The following WASHC4 variants were observed in gnomAD, a reference collection of about 807,000 sequenced individuals.
WASHC4 encodes WASH complex subunit 4.
Under a neutral mutation model 166.6 loss-of-function variants are expected in WASHC4, and 86 were observed. That is an observed-to-expected ratio of 0.52 (90% CI 0.43 to 0.62). WASHC4 has a LOEUF of 0.62. Among genes scored for constraint, WASHC4 ranks in the 20% least tolerant of loss-of-function variants. WASHC4 has a pLI of 0.00. For synonymous variants in WASHC4, 446 were observed against 451.6 expected, an observed-to-expected ratio of 0.99 and a Z score of 0.16; for missense variants, 1,262 against 1,382.4, an observed-to-expected ratio of 0.91 and a Z score of 1.38.
chr12:105,163,133 C>T (rs1472968375), intron 30 of WASHC4, among the ~76,000 whole-genome samples: 6 of 151,420 alleles, frequency 4.0e-5, no homozygotes, highest in African/African-American at 1.5e-4. Context: ...ATTTTTTTTG[C>T]ATTTTTAGTA....
At chr12:105,125,155 G>A (rs1053026541) in intron 10 of WASHC4, among the ~76,000 whole-genome samples, 2 of 152,106 alleles carry the variant, frequency 1.3e-5, no homozygotes, top group Non-Finnish European at 2.9e-5. Context: ...GTTTTTAACC[G>A]ATTGATCTCA....
At position 105,162,754 on chromosome 12, in the gene WASHC4, C is replaced by T; in HGVS notation, c.3066C>T (p.Leu1022=). ...ATGTTGTTACATCTTTTTAGACCCT[C>T]AACTTTGTAGAGCATTCCATTAGTT... is the stretch of plus-strand genomic sequence containing the variant. ...NFYIIVPPLT[L]NFVEHSISCK... Residue 1022 remains leucine, a synonymous_variant, in exon 30 of 33, where the codon CTC becomes CTT. Transcript: ENST00000332180. 1.3e-6 allele frequency: 2 copies of T among 1,564,070 alleles called. No homozygotes were observed. The highest frequency in any genetic ancestry group is 1.8e-6 in the Non-Finnish European group (2 of 1,137,768).
intron 26 of WASHC4, among the ~76,000 whole-genome samples, chr12:105,156,346 T>A (rs1049386845): frequency 6.6e-6 from 1 of 152,216 alleles, no homozygotes; most frequent in Admixed American, 6.5e-5. Flanking sequence ...AGGCATCAAA[T>A]AAAGATTTCT....
intron 32 of WASHC4, among the ~76,000 whole-genome samples, chr12:105,165,206 G>A (rs1461384634): frequency 6.6e-6 from 1 of 152,100 alleles, no homozygotes; most frequent in Non-Finnish European, 1.5e-5. Flanking sequence ...TCATAGTCAG[G>A]CCCTGGAGAC....
At chr12:105,145,578 T>C (rs1883225611) in intron 22 of WASHC4, among the ~76,000 whole-genome samples, 1 of 152,172 alleles carries the variant, frequency 6.6e-6, no homozygotes, top group Non-Finnish European at 1.5e-5. Context: ...TTTATATATC[T>C]GATATTTATT....
chr12:105,117,968 C>T (rs994761839), intron 6 of WASHC4, among the ~76,000 whole-genome samples: 1 of 152,112 alleles, frequency 6.6e-6, no homozygotes, highest in Non-Finnish European at 1.5e-5. Context: ...TACAGGTGAT[C>T]AGTGTTTGAA....
chr12:105,142,738 AATTT>A lies in WASHC4; in HGVS notation c.1893+186_1893+189del, dbSNP rs1422721757. Among the ~76,000 whole-genome samples, 7 of 151,948 alleles carry A rather than the reference AATTT, an allele frequency of 4.6e-5. No individual in the cohort carries two copies. The East Asian group carries it at 9.6e-4, about 21-fold the overall frequency. On this transcript the variant is annotated intron_variant, in intron 19 of 32. Transcript: ENST00000332180. ...ATTTTATGTTACTGTTAACGAAGTT[AATTT>A]ATTTAATTTCTTCCTTCATGTTCCT... is the stretch of plus-strand genomic sequence containing the variant.
intron 6 of WASHC4, 148 bp downstream of exon 6, chr12:105,115,876 G>T (rs139341991): frequency 0.019 from 11,971 of 639,422 alleles, 187 homozygotes; most frequent in South Asian, 0.043. Context: ...TAGTTTAGGA[G>T]ATCATAACTC....
At chr12:105,138,039 A>C in intron 15 of WASHC4, 28 bp downstream of exon 15, 1 of 1,601,788 alleles carries the variant, frequency 6.2e-7, no homozygotes, top group Non-Finnish European at 8.5e-7. Flanking sequence ...TTACTGCTCC[A>C]TCATAATTGA....
intron 2 of WASHC4, among the ~76,000 whole-genome samples, chr12:105,111,940 C>T (rs1436339209): frequency 6.6e-6 from 1 of 152,060 alleles, no homozygotes; most frequent in East Asian, 1.9e-4. Context: ...TTGTATAATT[C>T]AGTTGTTTTT....
intron 13 of WASHC4, among the ~76,000 whole-genome samples, chr12:105,131,635 G>C (rs1358663759): frequency 6.6e-6 from 1 of 152,056 alleles, no homozygotes; most frequent in Non-Finnish European, 1.5e-5. Context: ...GTTCTCTCCT[G>C]TACATGGGAT....
chr12:105,148,815 T>A (rs1883511442), intron 24 of WASHC4: 4 of 985,136 alleles, frequency 4.1e-6, no homozygotes, highest in South Asian at 9.4e-5. Flanking sequence ...GAATTAATCT[T>A]ATGCTATTTC....
chr12:105,120,096 A>T (rs1420607432), intron 7 of WASHC4, among the ~76,000 whole-genome samples: 1 of 152,218 alleles, frequency 6.6e-6, no homozygotes, highest in Non-Finnish European at 1.5e-5. Flanking sequence ...ACAAAACAAA[A>T]AAACAAAAGA....
At chr12:105,114,680 T>TCAC (rs902515028) in intron 4 of WASHC4, among the ~76,000 whole-genome samples, 10 of 151,992 alleles carry the variant, frequency 6.6e-5, no homozygotes, top group African/African-American at 2.4e-4. Flanking sequence ...AAAGAGAGTG[T>TCAC]CACTTGCATA....
Position 105,141,157 on chromosome 12 carries a change from T to A in WASHC4, c.1708-10T>A. ...GCAACTTCTCTGCCTTTTTTTCCTG[T>A]CCCTGATAGAAAACATTTAAAGATG... On this transcript the variant is annotated splice_polypyrimidine_tract_variant and intron_variant, in intron 17 of 32. Transcript: ENST00000332180. 5 of 1,612,378 alleles carry A rather than the reference T, an allele frequency of 3.1e-6. No individual in the cohort carries two copies. Among genetic ancestry groups the A allele is most frequent in the Non-Finnish European group, 4.2e-6 (5 of 1,178,436 alleles).
chr12:105,146,787 T>C (rs1883330581), intron 23 of WASHC4, among the ~76,000 whole-genome samples: 6 of 152,108 alleles, frequency 3.9e-5, no homozygotes, highest in Admixed American at 3.9e-4. Flanking sequence ...GGATCCCTAA[T>C]CTGAAAATCC....
rs1884918108 is a variant in WASHC4 at position 105,168,420 on chromosome 12, AT to A, written c.*1492del. 1 of 150,874 alleles carries A rather than the reference AT, an allele frequency of 6.6e-6. No homozygotes were observed. Among genetic ancestry groups the A allele is most frequent in the African/African-American group, 2.5e-5 (1 of 40,476 alleles). 9.3% of individuals were successfully genotyped at this position (150,874 alleles called of 1,614,324 possible). A position where few individuals can be genotyped will look rare whatever the true frequency, so the allele number is the denominator to read the frequency against. On this transcript the variant is annotated 3_prime_UTR_variant, in exon 33 of 33. Coordinates refer to ENST00000332180, the MANE Select transcript of WASHC4 (RefSeq NM_015275.3). ...CCTAAAGCATGCTGCATAATTAATA[AT>A]TTATATTTTCATTATTATAAGTGTT...
intron 14 of WASHC4, among the ~76,000 whole-genome samples, chr12:105,135,597 GCTT>G (rs1882245523): frequency 6.6e-6 from 1 of 151,974 alleles, no homozygotes; most frequent in Non-Finnish European, 1.5e-5. Flanking sequence ...GGTCAGTAGA[GCTT>G]CTTGAATTCA....
At chr12:105,113,967 C>T (rs530116380) in intron 2 of WASHC4, among the ~76,000 whole-genome samples, 3 of 152,092 alleles carry the variant, frequency 2.0e-5, no homozygotes, top group South Asian at 4.1e-4. Flanking sequence ...TTTTCTTATA[C>T]TGCACTCATA....
Sources: gnomAD v4.1 joint callset for allele counts (sites outside exome capture counted in the v4.1 genomes callset) on GRCh38, gnomAD v4.1.1 for gene constraint, MANE v1.5 for transcripts, NCBI Gene and HGNC (gene_info 2026-07-23, HGNC 2026-07-21) for gene names.